The following KDM4B variants were observed in gnomAD, a reference collection of about 807,000 sequenced individuals.
KDM4B encodes the protein lysine demethylase 4B.
A neutral mutation model predicts 125.2 loss-of-function variants in KDM4B; 32 were observed. The ratio of observed to expected loss-of-function variants is 0.26; its 90% CI spans 0.19 to 0.34. KDM4B has a LOEUF of 0.34. Among genes scored for constraint, KDM4B ranks in the 10% least tolerant of loss-of-function variants. KDM4B has a pLI of 1.00. For missense variants in KDM4B, 1,190 were observed against 1,577.7 expected (o/e 0.75, Z 4.16); for synonymous variants, 721 against 677.9 (o/e 1.06, Z -0.99).
At chr19:5,125,701 G>A (rs1463063088) in intron 11 of KDM4B, among the ~76,000 whole-genome samples, 3 of 152,354 alleles carry the variant, frequency 2.0e-5, no homozygotes, top group African/African-American at 4.8e-5. Flanking sequence ...AGGGACCAGC[G>A]AGGAGGGTTA....
intron 9 of KDM4B, among the ~76,000 whole-genome samples, chr19:5,105,154 C>T (rs1459572274): frequency 6.6e-6 from 1 of 152,206 alleles, no homozygotes; most frequent in Non-Finnish European, 1.5e-5. Flanking sequence ...GCAGAGGGCA[C>T]AGGACCCAGA....
chr19:5,143,847 G>C (rs894529282), intron 18 of KDM4B, 120 bp from the exon 19 acceptor site: 5 of 797,916 alleles, frequency 6.3e-6, no homozygotes, highest in African/African-American at 3.5e-5. Context: ...ACTGGGCAGA[G>C]CGCAGGGCCA....
Position 4,997,770 on chromosome 19 carries a change from CCTTA to C in KDM4B, c.-108-18484_-108-18481del, listed in dbSNP as rs2035249258. ...AGGACCTCGTCATCAGCCTCTTCAT[CCTTA>C]CTGTCTGGTCTGTTCCAAAGGCCGC... On this transcript the variant is annotated intron_variant, in intron 1 of 22. Transcript: ENST00000159111. The surrounding 1 kb of genome is among the most constrained non-coding windows in gnomAD (Gnocchi z 4.2). Among the ~76,000 whole-genome samples the C allele has an allele frequency of 6.6e-6, 1 of 152,248 alleles. No individual in the cohort carries two copies. The highest frequency in any genetic ancestry group is 1.5e-5 in the Non-Finnish European group (1 of 68,048).
At chr19:4,995,012 G>A (rs1047327910) in intron 1 of KDM4B, among the ~76,000 whole-genome samples, 1 of 152,122 alleles carries the variant, frequency 6.6e-6, no homozygotes, top group Admixed American at 6.6e-5. Context: ...TCAATGGCTT[G>A]GGTTTTCAAG....
intron 7 of KDM4B, chr19:5,075,173 C>G (rs1429355347): frequency 1.3e-5 from 2 of 152,454 alleles, no homozygotes; most frequent in African/African-American, 4.8e-5. Flanking sequence ...CCCGTTGCCA[C>G]TTGCAGAGTG....
chr19:5,119,101 T>G, intron 10 of KDM4B: 1 of 1,492,910 alleles, frequency 6.7e-7, no homozygotes, highest in Non-Finnish European at 9.0e-7. Flanking sequence ...AAAAAACCCG[T>G]GAAATTTACA....
At chr19:5,145,545 C>T (rs548301340) in intron 21 of KDM4B, among the ~76,000 whole-genome samples, 1 of 152,264 alleles carries the variant, frequency 6.6e-6, no homozygotes, top group Non-Finnish European at 1.5e-5. Flanking sequence ...CACACCACTG[C>T]ACTCCACACT....
chr19:5,132,093 C>A (rs2039568487), intron 13 of KDM4B, 86 bp downstream of exon 13: 2 of 1,440,520 alleles, frequency 1.4e-6, no homozygotes, highest in Non-Finnish European at 9.2e-7. Flanking sequence ...TCCCCTGCGG[C>A]TTCCTTCCCC....
At chr19:4,976,032 C>T (rs1380677531) in intron 1 of KDM4B, among the ~76,000 whole-genome samples, 1 of 151,406 alleles carries the variant, frequency 6.6e-6, no homozygotes, top group Non-Finnish European at 1.5e-5. Flanking sequence ...GGTGGATCAC[C>T]TGAGGTCAGG....
intron 1 of KDM4B, among the ~76,000 whole-genome samples, chr19:4,998,808 A>G (rs928756786): frequency 6.6e-6 from 1 of 152,124 alleles, no homozygotes; most frequent in African/African-American, 2.4e-5. Context: ...ATTCTGTTAA[A>G]TGTCCCCCAG....
rs887136425 is a variant in KDM4B, at chr19:4,994,423, C to T, written c.-108-21834C>T. Among the ~76,000 whole-genome samples the T allele has an allele frequency of 2.6e-5, 4 of 151,764 alleles. No individual in the cohort carries two copies. The South Asian group carries it at 6.3e-4, about 24-fold the overall frequency. ...CTTGTCTCTACTAAAAATACACATG[C>T]GTGGTGGCGCATGCCTGTAGTCCCA... On this transcript the variant is annotated intron_variant, in intron 1 of 22. Transcript: ENST00000159111.
chr19:5,091,064 A>G (rs140222468), intron 9 of KDM4B, among the ~76,000 whole-genome samples: 3 of 152,346 alleles, frequency 2.0e-5, no homozygotes, highest in Admixed American at 1.3e-4. Flanking sequence ...CACTCAAGGA[A>G]ATAAAATGTG....
rs780023408 is a variant in KDM4B at position 5,131,176 on chromosome 19, C to T, written c.1416C>T (p.His472=). The part of the protein sequence containing the change: ...LPPQLPPPPA[H]FPSEEALWLP... ...CACAGCTGCCGCCCCCGCCTGCTCA[C>T]TTCCCCTCAGAGGAGGCGCTGTGGC... Residue 472 remains histidine, a synonymous_variant, in exon 12 of 23, where the codon CAC becomes CAT. Coordinates refer to ENST00000159111, the MANE Select transcript of KDM4B (RefSeq NM_015015.3). 8 of 1,598,964 alleles carry T rather than the reference C, an allele frequency of 5.0e-6. No individual in the cohort carries two copies. In the East Asian group the frequency reaches 1.3e-4, roughly 27 times the overall value.
chr19:5,050,398 G>GC (rs1385375532), intron 6 of KDM4B, among the ~76,000 whole-genome samples: 10 of 152,370 alleles, frequency 6.6e-5, no homozygotes, highest in Middle Eastern at 3.4e-3. Flanking sequence ...GCCAGCACCT[G>GC]CAACTTCCCC....
chr19:5,065,712 C>A (rs1044980025), intron 6 of KDM4B, among the ~76,000 whole-genome samples: 8 of 152,256 alleles, frequency 5.3e-5, no homozygotes, highest in Non-Finnish European at 1.0e-4. Context: ...CCTTTGCTTT[C>A]ATTCCCTGGT....
At chr19:5,050,865 A>C (rs1318799268) in intron 6 of KDM4B, among the ~76,000 whole-genome samples, 1 of 152,170 alleles carries the variant, frequency 6.6e-6, no homozygotes, top group African/African-American at 2.4e-5. Context: ...ACACCCCTGC[A>C]CTCCAGCCTG....
chr19:5,013,763 T>C (rs1026882092), intron 1 of KDM4B, among the ~76,000 whole-genome samples: 2 of 152,200 alleles, frequency 1.3e-5, no homozygotes, highest in African/African-American at 4.8e-5. Flanking sequence ...GCAAAGCCCC[T>C]GTTGCCATGG....
At chr19:5,041,331 C>A in intron 5 of KDM4B, 80 bp downstream of exon 5, 1 of 1,086,430 alleles carries the variant, frequency 9.2e-7, no homozygotes, top group Non-Finnish European at 1.4e-6. Context: ...GGGACTCTGC[C>A]TTGGCAGATG....
intron 1 of KDM4B, among the ~76,000 whole-genome samples, chr19:5,004,701 G>A (rs1307895319): frequency 1.5e-4 from 23 of 152,150 alleles, no homozygotes; most frequent in South Asian, 2.1e-4. Context: ...TGCGGTGAGC[G>A]TGAGAAGTCA....
Sources: allele counts gnomAD v4.1 joint callset (sites outside exome capture counted in the v4.1 genomes callset), GRCh38; gene constraint gnomAD v4.1.1; non-coding constraint Gnocchi (gnomAD v3.1); transcripts MANE v1.5; gene names NCBI Gene and HGNC (gene_info 2026-07-23, HGNC 2026-07-21).